Variants in CELF2 observed in about 807,000 individuals in gnomAD.
The protein encoded by CELF2 is CUGBP Elav-like family member 2.
In CELF2, 8 loss-of-function variants were observed where a neutral mutation model predicts 62.6. That is an observed-to-expected ratio of 0.13 (90% CI 0.07 to 0.23). CELF2 has a LOEUF of 0.23. CELF2 is among the 10% of genes least tolerant of loss of function. CELF2 has a pLI of 1.00. For missense variants in CELF2, 333 were observed against 671.0 expected (o/e 0.50, Z 5.56); for synonymous variants, 258 against 250.0 (o/e 1.03, Z -0.30).
chr10:10,601,708 G>T, the CELF2 span, among the ~76,000 whole-genome samples: 9 of 151,518 alleles, frequency 5.9e-5, no homozygotes, highest in Non-Finnish European at 1.0e-4. Context: ...AGTTTAGCAT[G>T]AGCATTTGGG....
At chr10:11,215,468 A>G (rs2063091405) in intron 2 of CELF2, among the ~76,000 whole-genome samples, 1 of 152,076 alleles carries the variant, frequency 6.6e-6, no homozygotes, top group Non-Finnish European at 1.5e-5. Flanking sequence ...TCGGTTTTTC[A>G]TCTCCTGAAC....
In CELF2 at chr10:10,989,117, G is replaced by A. The variant is rs1055384158; in HGVS notation, c.89+69118G>A. 5.9e-5 allele frequency among the ~76,000 whole-genome samples: 9 copies of A among 152,284 alleles called. No homozygotes were observed. The South Asian group carries it at 1.9e-3, about 32-fold the overall frequency. On this transcript the variant is annotated intron_variant, in intron 2 of 13. Transcript: ENST00000636488. Reference sequence around the variant, plus strand: ...GCAGAGAGAAAATGTTAGAATTTGAGTAAATTTAGAGTTAGCCTATACTTC... The same window carrying A: ...GCAGAGAGAAAATGTTAGAATTTGAATAAATTTAGAGTTAGCCTATACTTC...
the CELF2 span, among the ~76,000 whole-genome samples, chr10:10,660,570 G>A: frequency 2.0e-5 from 3 of 152,136 alleles, no homozygotes; most frequent in African/African-American, 7.2e-5. Flanking sequence ...GGCACTCCCA[G>A]TATTTTATTG....
At chr10:10,858,404 C>T (rs1002904962) in intron 1 of CELF2, among the ~76,000 whole-genome samples, 7 of 152,058 alleles carry the variant, frequency 4.6e-5, no homozygotes, top group Admixed American at 1.3e-4. Context: ...ATTGGCATAG[C>T]GCATCACATG....
At position 11,270,858 on chromosome 10, in the gene CELF2, C is replaced by G. The variant is rs761320852; in HGVS notation, c.777+34C>G. On this transcript the variant is annotated intron_variant, in intron 7 of 12. Transcript: ENST00000633077. This position sits in a 1 kb window ranked among gnomAD's most constrained non-coding sequence, Gnocchi z 5.8. ...TGGGCAATGCCGGCGTGGTCTTCACCCGCTGAAACTCTGCAAACTGACTTT... is the reference window on the plus strand; with the variant it reads ...TGGGCAATGCCGGCGTGGTCTTCACGCGCTGAAACTCTGCAAACTGACTTT... 7.5e-7 allele frequency: 1 copy of G among 1,340,786 alleles called. No homozygotes were observed. Among genetic ancestry groups the G allele is most frequent in the Admixed American group, 3.0e-5 (1 of 33,608 alleles). The allele number at this position is 1,340,786 out of a possible 1,614,324, so 83.1% of individuals were successfully genotyped here. A position where few individuals can be genotyped will look rare whatever the true frequency, so the allele number is the denominator to read the frequency against.
At chr10:10,496,368 A>G in the CELF2 span, among the ~76,000 whole-genome samples, 1 of 152,192 alleles carries the variant, frequency 6.6e-6, no homozygotes, top group Non-Finnish European at 1.5e-5. Context: ...TTTCTTGCCT[A>G]TACTACCATA....
intron 10 of CELF2, chr10:11,317,233 C>A (rs181104413): frequency 2.1e-4 from 32 of 150,596 alleles, no homozygotes; most frequent in Admixed American, 2.0e-3. Context: ...GAAATATTTT[C>A]TGTGAAGTAG....
chr10:10,864,139 A>G (rs113468675), intron 1 of CELF2, among the ~76,000 whole-genome samples: 26 of 152,336 alleles, frequency 1.7e-4, no homozygotes, highest in South Asian at 4.1e-4. Flanking sequence ...TTAAAAATAT[A>G]TTACACATAT....
Position 11,033,745 on chromosome 10 carries a change from T to C in CELF2, c.74+15582T>C, listed in dbSNP as rs1471830302. Among the ~76,000 whole-genome samples the C allele has an allele frequency of 3.3e-5, 5 of 152,362 alleles. No individual in the cohort carries two copies. In the East Asian group the frequency reaches 5.8e-4, roughly 18 times the overall value. The stretch of plus-strand genomic sequence containing the variant: ...TCTTGTGAGCCCCTACAGTGGCAAA[T>C]TGATTCCCCTGTAGTGTTGTAAATA... On this transcript the variant is annotated intron_variant, in intron 1 of 12. Coordinates refer to ENST00000633077, the MANE Select transcript of CELF2 (RefSeq NM_001326342.2).
chr10:10,730,455 C>T, the CELF2 span, among the ~76,000 whole-genome samples: 23 of 151,990 alleles, frequency 1.5e-4, no homozygotes, highest in East Asian at 3.9e-4. Context: ...CCATCCTGGG[C>T]GACAGAGCAA....
intron 1 of CELF2, among the ~76,000 whole-genome samples, chr10:10,805,536 C>A (rs565051055): frequency 1.1e-4 from 16 of 152,060 alleles, no homozygotes; most frequent in African/African-American, 3.6e-4. Context: ...TGGAGCTTTA[C>A]GAGGCGGGCA....
At chr10:11,152,494 G>C (rs2132731479) in intron 1 of CELF2, among the ~76,000 whole-genome samples, 1 of 152,224 alleles carries the variant, frequency 6.6e-6, no homozygotes, top group South Asian at 2.1e-4. Context: ...ACAAGTCTGT[G>C]TTGTCTTTCT....
At chr10:10,482,523 G>A in the CELF2 span, among the ~76,000 whole-genome samples, 46 of 152,242 alleles carry the variant, frequency 3.0e-4, no homozygotes, top group South Asian at 3.1e-3. Flanking sequence ...TATGCCAGTA[G>A]GTATTGTAAA....
chr10:11,027,890 T>C (rs1008257821), intron 1 of CELF2, among the ~76,000 whole-genome samples: 10 of 152,220 alleles, frequency 6.6e-5, no homozygotes, highest in African/African-American at 1.4e-4. Context: ...CAGACTAATG[T>C]TGGGAAAGAA....
intron 1 of CELF2, among the ~76,000 whole-genome samples, chr10:10,894,913 A>G (rs958962327): frequency 1.8e-4 from 28 of 152,158 alleles, no homozygotes; most frequent in African/African-American, 6.8e-4. Context: ...TTTCTCTTAC[A>G]TTGTTCCACT....
chr10:10,701,494 C>T, the CELF2 span, among the ~76,000 whole-genome samples: 1 of 152,242 alleles, frequency 6.6e-6, no homozygotes, highest in African/African-American at 2.4e-5. Context: ...GTCTTGGTTA[C>T]AATGCTGTCA....
At chr10:11,056,519 T>C (rs2065272588) in intron 1 of CELF2, among the ~76,000 whole-genome samples, 1 of 152,160 alleles carries the variant, frequency 6.6e-6, no homozygotes, top group South Asian at 2.1e-4. Flanking sequence ...TGCACTAAGG[T>C]AGAGAGCAAG....
At chr10:11,192,050 A>G (rs895065327) in intron 2 of CELF2, among the ~76,000 whole-genome samples, 1 of 152,174 alleles carries the variant, frequency 6.6e-6, no homozygotes, top group African/African-American at 2.4e-5. Flanking sequence ...CTCCATGTTC[A>G]GCCCCTTCCT....
the CELF2 span, among the ~76,000 whole-genome samples, chr10:10,644,464 T>C: frequency 1.3e-5 from 2 of 151,936 alleles, no homozygotes; most frequent in Non-Finnish European, 2.9e-5. Context: ...GACAGAGTAG[T>C]GTCAGCTTGA....
Sources: allele counts gnomAD v4.1 joint callset (sites outside exome capture counted in the v4.1 genomes callset), GRCh38; gene constraint gnomAD v4.1.1; non-coding constraint Gnocchi (gnomAD v3.1); transcripts MANE v1.5; gene names NCBI Gene and HGNC (gene_info 2026-07-23, HGNC 2026-07-21).